Variants in NRG3 observed in about 807,000 individuals in gnomAD.
NRG3 encodes the protein pro-neuregulin-3, membrane-bound isoform.
A neutral mutation model predicts 66.9 loss-of-function variants in NRG3; 31 were observed. That is an observed-to-expected ratio of 0.46 (90% confidence interval 0.35 to 0.63). The LOEUF (loss-of-function observed/expected upper bound fraction) is 0.63, where lower values mean the gene tolerates loss of function less well. Among genes scored for constraint, NRG3 ranks in the 20% least tolerant of loss-of-function variants. The pLI is 0.00. For missense variants in NRG3, 910 were observed against 878.9 expected (o/e 1.04, Z -0.45); for synonymous variants, 393 against 359.4 (o/e 1.09, Z -1.06).
intron 2 of NRG3, among the ~76,000 whole-genome samples, chr10:82,544,106 G>A (rs930104303): frequency 6.6e-6 from 1 of 152,126 alleles, no homozygotes; most frequent in Non-Finnish European, 1.5e-5. Flanking sequence ...CAACTTCCTG[G>A]CCTGTAATTT....
rs371709490 is a variant in NRG3 at position 82,878,873 on chromosome 10, T to C, written c.1054+13436T>C. Among the ~76,000 whole-genome samples, 23 of 152,306 alleles carry C rather than the reference T, an allele frequency of 1.5e-4. No homozygotes were observed. The East Asian group carries it at 2.7e-3, about 18-fold the overall frequency. On this transcript the variant is annotated intron_variant, in intron 4 of 8. Coordinates refer to ENST00000372141, the MANE Select transcript of NRG3 (RefSeq NM_001010848.4). ...GCTGCCATGCCAAGTCCTCCATGAT[T>C]TGGCTCTGCCTGGCACCCTGACCAC... is the stretch of plus-strand genomic sequence containing the variant.
At chr10:82,837,040 G>C (rs1259302687) in intron 3 of NRG3, among the ~76,000 whole-genome samples, 2 of 152,074 alleles carry the variant, frequency 1.3e-5, no homozygotes, top group African/African-American at 4.8e-5. Context: ...ATGGTTTCCA[G>C]CTTCATCCAT....
At chr10:82,857,806 A>C (rs1450194239) in intron 3 of NRG3, among the ~76,000 whole-genome samples, 1 of 152,248 alleles carries the variant, frequency 6.6e-6, no homozygotes, top group Non-Finnish European at 1.5e-5. Context: ...TTATGTATTT[A>C]GTGACTTAGC....
chr10:82,980,381 C>T (rs1319863790), intron 8 of NRG3, among the ~76,000 whole-genome samples: 1 of 152,060 alleles, frequency 6.6e-6, no homozygotes, highest in African/African-American at 2.4e-5. Flanking sequence ...TCAGCAATTT[C>T]AAGTGCAATG....
chr10:82,541,675 T>A (rs1035889790), intron 2 of NRG3, among the ~76,000 whole-genome samples: 2 of 152,230 alleles, frequency 1.3e-5, no homozygotes, highest in Non-Finnish European at 2.9e-5. Flanking sequence ...CCGGGCTGTC[T>A]GCCTGTGGAT....
At chr10:82,896,230 C>T (rs1843652932) in intron 4 of NRG3, among the ~76,000 whole-genome samples, 2 of 152,140 alleles carry the variant, frequency 1.3e-5, no homozygotes, top group South Asian at 4.1e-4. Flanking sequence ...GACATCCTAC[C>T]AGTTAATGCT....
chr10:82,418,258 T>G (rs139802808), intron 2 of NRG3, among the ~76,000 whole-genome samples: 24 of 152,178 alleles, frequency 1.6e-4, no homozygotes, highest in Admixed American at 6.5e-5. Flanking sequence ...TGGTATTTTT[T>G]GAATTTAATT....
chr10:82,319,426 C>T (rs563093074), intron 1 of NRG3, among the ~76,000 whole-genome samples: 6 of 152,190 alleles, frequency 3.9e-5, no homozygotes, highest in East Asian at 1.9e-4. Flanking sequence ...TAAATTCCGC[C>T]GAAAGGCAAA....
intron 2 of NRG3, among the ~76,000 whole-genome samples, chr10:82,659,735 G>A (rs1477274877): frequency 6.6e-6 from 1 of 152,048 alleles, no homozygotes; most frequent in East Asian, 1.9e-4. Context: ...AGGTTCAGAG[G>A]TAAGTTTGCC....
intron 2 of NRG3, among the ~76,000 whole-genome samples, chr10:82,381,985 T>C (rs895732171): frequency 6.6e-6 from 1 of 152,204 alleles, no homozygotes; most frequent in African/African-American, 2.4e-5. Flanking sequence ...CATATTGCTT[T>C]AATTAACTTT....
chr10:81,988,734 G>A (rs1204011617), intron 1 of NRG3, among the ~76,000 whole-genome samples: 1 of 152,120 alleles, frequency 6.6e-6, no homozygotes, highest in African/African-American at 2.4e-5. Flanking sequence ...ATAACAGTAA[G>A]TAGACATAAG....
intron 1 of NRG3, among the ~76,000 whole-genome samples, chr10:81,997,833 T>C (rs759459594): frequency 1.3e-5 from 2 of 151,586 alleles, no homozygotes; most frequent in Non-Finnish European, 2.9e-5. Context: ...TATTTGTCTA[T>C]ATGTCTGCCC....
chr10:82,157,746 G>GGAGAA (rs5786533), intron 1 of NRG3, among the ~76,000 whole-genome samples: 1 of 2,494 alleles, frequency 4.0e-4, no homozygotes, highest in African/African-American at 6.2e-3. Context: ...TGGTGTTATT[G>GGAGAA]TAAGTTAAAA....
intron 1 of NRG3, among the ~76,000 whole-genome samples, chr10:81,965,860 CCTAA>C (rs1385328273): frequency 6.6e-6 from 1 of 152,038 alleles, no homozygotes; most frequent in East Asian, 1.9e-4. Context: ...TTCTAATCTT[CCTAA>C]CTCTTATTTC....
At chr10:82,663,306 G>A (rs1341829956) in intron 2 of NRG3, among the ~76,000 whole-genome samples, 1 of 152,192 alleles carries the variant, frequency 6.6e-6, no homozygotes, top group Non-Finnish European at 1.5e-5. Context: ...GAATTCATCT[G>A]CCATTGAGGT....
intron 1 of NRG3, among the ~76,000 whole-genome samples, chr10:82,294,237 C>A (rs141196810): frequency 6.6e-6 from 1 of 152,248 alleles, no homozygotes; most frequent in Non-Finnish European, 1.5e-5. Flanking sequence ...ATCACAAATC[C>A]TCTTCAAAAT....
chr10:82,168,276 C>T (rs2072264351), intron 1 of NRG3, among the ~76,000 whole-genome samples: 1 of 151,988 alleles, frequency 6.6e-6, no homozygotes, highest in African/African-American at 2.4e-5. Context: ...AAACCTATTC[C>T]AAGGCTCTCC....
intron 3 of NRG3, among the ~76,000 whole-genome samples, chr10:82,855,051 C>G (rs2063738370): frequency 6.6e-6 from 1 of 152,094 alleles, no homozygotes; most frequent in Non-Finnish European, 1.5e-5. Flanking sequence ...CTAGTATCTT[C>G]ATGTCACAAG....
intron 1 of NRG3, among the ~76,000 whole-genome samples, chr10:82,306,703 T>TAA (rs71009805): frequency 0.017 from 604 of 35,896 alleles, 17 homozygotes; most frequent in Middle Eastern, 0.048. Flanking sequence ...GACTCCGTCT[T>TAA]AAAAAAAAAA....
Sources: gnomAD v4.1 joint callset for allele counts (sites outside exome capture counted in the v4.1 genomes callset) on GRCh38, gnomAD v4.1.1 for gene constraint, MANE v1.5 for transcripts, NCBI Gene and HGNC (gene_info 2026-07-23, HGNC 2026-07-21) for gene names.